Variants in RALGPS2 observed in about 807,000 individuals in gnomAD.
RALGPS2 encodes the protein ras-specific guanine nucleotide-releasing factor RalGPS2.
Under a neutral mutation model 86.8 loss-of-function variants are expected in RALGPS2, and 43 were observed. The observed-to-expected ratio is 0.50, with a 90% CI of 0.39 to 0.64. The LOEUF (loss-of-function observed/expected upper bound fraction) is 0.64. Among genes scored for constraint, RALGPS2 ranks in the 30% least tolerant of loss-of-function variants. The pLI is 0.00. For missense variants in RALGPS2, 536 were observed against 694.6 expected (o/e 0.77, Z 2.57); for synonymous variants, 243 against 231.3 (o/e 1.05, Z -0.46).
chr1:178,887,859 A>T (rs1200143686), intron 13 of RALGPS2, among the ~76,000 whole-genome samples: 1 of 152,206 alleles, frequency 6.6e-6, no homozygotes, highest in Non-Finnish European at 1.5e-5. Flanking sequence ...TATGAAGAAT[A>T]ATTTTGCAAA....
rs145760851 is a variant in RALGPS2, at chr1:178,836,135, A to G, written c.607+2585A>G. Among the ~76,000 whole-genome samples, 24 of 152,294 alleles carry G rather than the reference A, an allele frequency of 1.6e-4. 1 individual carries two copies. In the East Asian group the frequency reaches 4.6e-3, roughly 29 times the overall value. ...GGTACATTCATGCACTCTCATGCAC[A>G]CACAGAGAGAAAGTTGGGGAAGAAA... On this transcript the variant is annotated intron_variant, in intron 8 of 19. Transcript: ENST00000367635.
chr1:178,741,222 G>A (rs570040238), intron 1 of RALGPS2, among the ~76,000 whole-genome samples: 1 of 152,140 alleles, frequency 6.6e-6, no homozygotes, highest in East Asian at 1.9e-4. Flanking sequence ...TAGATGCTTG[G>A]TGTTCTAAGC....
At chr1:178,829,005 A>G (rs1055587974) in intron 7 of RALGPS2, among the ~76,000 whole-genome samples, 1 of 152,224 alleles carries the variant, frequency 6.6e-6, no homozygotes, top group African/African-American at 2.4e-5. Context: ...AATAGCCAGG[A>G]TATGGAACCA....
At chr1:178,868,149 C>A (rs529639042) in intron 8 of RALGPS2, among the ~76,000 whole-genome samples, 364 of 151,860 alleles carry the variant, frequency 2.4e-3, no homozygotes, top group African/African-American at 8.4e-3. Context: ...TGCTTTCTGA[C>A]ATATATAGAA....
At chr1:178,791,889 GA>G (rs965167928) in intron 4 of RALGPS2, among the ~76,000 whole-genome samples, 1 of 151,974 alleles carries the variant, frequency 6.6e-6, no homozygotes, top group Non-Finnish European at 1.5e-5. Flanking sequence ...TTGCTCGGGG[GA>G]AAAAAAGAAA....
intron 4 of RALGPS2, among the ~76,000 whole-genome samples, chr1:178,807,560 A>G (rs1008886140): frequency 1.3e-5 from 2 of 152,206 alleles, no homozygotes; most frequent in East Asian, 3.8e-4. Flanking sequence ...TAATTTTTTA[A>G]TATACAAGTT....
chr1:178,893,912 A>T lies in RALGPS2; in HGVS notation c.1326-7A>T. 1 of 1,567,344 alleles carries T rather than the reference A, an allele frequency of 6.4e-7. No individual in the cohort carries two copies. Among genetic ancestry groups the T allele is most frequent in the South Asian group, 1.1e-5 (1 of 88,714 alleles). ...GCTCTTATGTGTTCTTTTCTTCGTT[A>T]TTATAGTTCTGCAGAATCAGAAGAT... On this transcript the variant is annotated splice_polypyrimidine_tract_variant and splice_region_variant and intron_variant, in intron 15 of 19. Coordinates refer to ENST00000367635, the MANE Select transcript of RALGPS2 (RefSeq NM_152663.5).
chr1:178,785,733 T>C (rs901829429), intron 4 of RALGPS2, 126 bp downstream of exon 4: 3 of 1,253,050 alleles, frequency 2.4e-6, no homozygotes, highest in South Asian at 3.6e-5. Flanking sequence ...TTGTAACTTA[T>C]CTACATACTG....
chr1:178,754,120 G>A (rs927879768), intron 1 of RALGPS2, among the ~76,000 whole-genome samples: 1 of 151,680 alleles, frequency 6.6e-6, no homozygotes, highest in African/African-American at 2.4e-5. Context: ...CCGTGCCCCA[G>A]CCTGCAGGTT....
intron 7 of RALGPS2, among the ~76,000 whole-genome samples, chr1:178,826,038 G>A (rs1469402106): frequency 2.0e-5 from 3 of 152,202 alleles, no homozygotes; most frequent in East Asian, 1.9e-4. Context: ...AAAATGTTAA[G>A]GATAGGGATT....
chr1:178,889,046 T>C (rs1428535335), intron 13 of RALGPS2, among the ~76,000 whole-genome samples: 1 of 152,072 alleles, frequency 6.6e-6, no homozygotes. Flanking sequence ...TGGTTTTTTT[T>C]CCCCCTAGCT....
In RALGPS2 at chr1:178,885,861, T is replaced by G; in HGVS notation, c.1041-108T>G. On this transcript the variant is annotated intron_variant, in intron 12 of 19. Coordinates refer to ENST00000367635, the MANE Select transcript of RALGPS2 (RefSeq NM_152663.5). ...CATTTGAGGCTTTTATGGTAAGATC[T>G]GAGTATGACAGTTAGGTAAATCTTT... 3.1e-6 allele frequency: 3 copies of G among 974,852 alleles called. No homozygotes were observed. The South Asian group carries it at 5.8e-5, about 19-fold the overall frequency. The allele number at this position is 974,852 out of a possible 1,614,324, so 60.4% of individuals were successfully genotyped here. A position where few individuals can be genotyped will look rare whatever the true frequency, so the allele number is the denominator to read the frequency against.
chr1:178,790,276 G>A (rs1002001978), intron 4 of RALGPS2, among the ~76,000 whole-genome samples: 4 of 152,114 alleles, frequency 2.6e-5, no homozygotes, highest in Non-Finnish European at 4.4e-5. Flanking sequence ...TATTAGTCTC[G>A]TGTGAACACT....
chr1:178,841,647 C>T, intron 8 of RALGPS2, among the ~76,000 whole-genome samples: 1 of 73,310 alleles, frequency 1.4e-5, no homozygotes, highest in African/African-American at 5.4e-5. Flanking sequence ...GAAGTTCTGG[C>T]CAGGGCAATT....
chr1:178,726,745 G>A (rs1650034693), intron 1 of RALGPS2, among the ~76,000 whole-genome samples: 1 of 152,114 alleles, frequency 6.6e-6, no homozygotes, highest in Non-Finnish European at 1.5e-5. Flanking sequence ...TCCACCATTA[G>A]ATCGATTCCT....
intron 2 of RALGPS2, 109 bp from the exon 3 acceptor site, chr1:178,784,309 C>T: frequency 3.0e-6 from 2 of 673,838 alleles, no homozygotes. Context: ...TTTTCTGCAG[C>T]ATTTGTTAAC....
intron 4 of RALGPS2, among the ~76,000 whole-genome samples, chr1:178,796,052 T>A (rs1572340869): frequency 1.3e-5 from 2 of 152,324 alleles, no homozygotes; most frequent in South Asian, 4.1e-4. Flanking sequence ...TTTGTATTAC[T>A]GCTGTTCATC....
At chr1:178,824,949 A>G (rs548423292) in intron 7 of RALGPS2, among the ~76,000 whole-genome samples, 46 of 152,318 alleles carry the variant, frequency 3.0e-4, no homozygotes, top group African/African-American at 1.0e-3. Flanking sequence ...TTCCTCAGAC[A>G]TAAAAAAGCA....
intron 11 of RALGPS2, 47 bp from the exon 12 acceptor site, chr1:178,885,029 G>T: frequency 1.3e-6 from 2 of 1,500,298 alleles, no homozygotes; most frequent in South Asian, 1.4e-5. Flanking sequence ...TCAAGGGACT[G>T]AAAAATAAAG....
Sources: gnomAD v4.1 joint callset for allele counts (sites outside exome capture counted in the v4.1 genomes callset) on GRCh38, gnomAD v4.1.1 for gene constraint, MANE v1.5 for transcripts, NCBI Gene and HGNC (gene_info 2026-07-23, HGNC 2026-07-21) for gene names.